The following CDK11A variants were observed in gnomAD, a reference collection of about 807,000 sequenced individuals.
The protein encoded by CDK11A is cyclin-dependent kinase 11A.
In CDK11A, 55 loss-of-function variants were observed where a neutral mutation model predicts 83.6. The observed-to-expected ratio is 0.66, with a 90% confidence interval of 0.53 to 0.82. CDK11A has a LOEUF of 0.82. Ranked by LOEUF, CDK11A falls within the 40% of genes least tolerant of loss-of-function variation. CDK11A has a pLI of 0.00. For synonymous variants in CDK11A, 247 were observed against 302.7 expected, an observed-to-expected ratio of 0.82 and a Z score of 1.91; for missense variants, 564 against 810.1, an observed-to-expected ratio of 0.70 and a Z score of 3.69.
rs374746062 is a variant in CDK11A at position 1,712,986 on chromosome 1, C to CT, written c.489-587dup. 2.6e-3 allele frequency among the ~76,000 whole-genome samples: 92 copies of CT among 35,242 alleles called. 23 individuals are homozygous for CT. The highest frequency in any genetic ancestry group is 2.9e-3 in the South Asian group (4 of 1,368). The allele number at this position is 35,242 out of a possible 152,430, so 23.1% of individuals were successfully genotyped here. On this transcript the variant is annotated intron_variant, in intron 5 of 19. Transcript: ENST00000404249. ...AGTCCTTGCTCCTTCTTGTTTCTAG[C>CT]TTTTTTTTTTTTTTTGAGACAGGGT...
chr1:1,703,906 C>A lies in CDK11A; in HGVS notation c.1829G>T (p.Gly610Val). The change falls in exon 17 of 20, where the codon GGC becomes GTC. Residue 610 changes from glycine (G) to valine (V), a missense_variant. Gly to Val is a moderately radical substitution (Grantham distance 109). This residue lies in a region of CDK11A where 361 missense variants were observed against 402.7 expected (regional missense o/e 0.90). Transcript: ENST00000404249. ...YSTAVDMWSV[G>V]CIFGELLTQK... ...AGTCAGCAGCTCCCCGAAGATGCAG[C>A]CCACTGACCACATGTCCACGGCCGT... 3 of 1,609,746 alleles carry A rather than the reference C, an allele frequency of 1.9e-6. No individual in the cohort carries two copies. Among genetic ancestry groups the A allele is most frequent in the Non-Finnish European group, 2.5e-6 (3 of 1,176,970 alleles).
intron 13 of CDK11A, 110 bp downstream of exon 13, chr1:1,704,793 AG>A (rs768895150): frequency 6.3e-7 from 1 of 1,596,006 alleles, no homozygotes; most frequent in South Asian, 1.1e-5. Flanking sequence ...TGGTCTGTGA[AG>A]GGCTCCACTA....
rs113482764 is a variant in CDK11A, at chr1:1,716,012, G to C, written c.488+334C>G. Among the ~76,000 whole-genome samples the C allele has an allele frequency of 7.5e-3, 1,138 of 150,824 alleles. 52 individuals are homozygous for C. Among genetic ancestry groups the C allele is most frequent in the African/African-American group, 0.026 (1,088 of 41,102 alleles). On this transcript the variant is annotated intron_variant, in intron 5 of 19. Coordinates refer to ENST00000404249, the MANE Select transcript of CDK11A (RefSeq NM_024011.4). ...CATGGTCATAGCTTACTGCAGCCTT[G>C]ACCTCCCAGGCTCAAGGGATCCAAC... is the stretch of plus-strand genomic sequence containing the variant.
At chr1:1,708,678 CGA>C (rs1467245487) in intron 9 of CDK11A, 114 bp downstream of exon 9, 5 of 662,912 alleles carry the variant, frequency 7.5e-6, no homozygotes, top group Admixed American at 6.0e-5. Flanking sequence ...GGAGGTGTCC[CGA>C]GAGAGTCCTA....
rs1166003410 is a variant in CDK11A at position 1,704,604 on chromosome 1, C to T, written c.1510G>A (p.Val504Met). Reference sequence around the variant, plus strand: ...ATCAGGCTCTTGAGGTCGTGCTCCACGTAGTTCATCACGATGTAGATCTTG... The same window carrying T: ...ATCAGGCTCTTGAGGTCGTGCTCCATGTAGTTCATCACGATGTAGATCTTG... ...MDKIYIVMNY[V>M]EHDLKSLMET... Residue 504 changes from valine (V) to methionine (M), a missense_variant, in exon 14 of 20, where the codon GTG (valine) becomes ATG (methionine). Coordinates refer to ENST00000404249, the MANE Select transcript of CDK11A (RefSeq NM_024011.4). 8 of 1,601,986 alleles carry T rather than the reference C, an allele frequency of 5.0e-6. 1 individual carries two copies. The highest frequency in any genetic ancestry group is 1.7e-5 in the Admixed American group (1 of 58,892).
rs775374870 is a variant in CDK11A at position 1,719,331 on chromosome 1, C to G, written c.352G>C (p.Gly118Arg). 84 of 1,517,214 alleles carry G rather than the reference C, an allele frequency of 5.5e-5. No homozygotes were observed. The highest frequency in any genetic ancestry group is 1.7e-4 in the Middle Eastern group (1 of 5,762). 94.0% of individuals were successfully genotyped at this position (1,517,214 alleles called of 1,614,324 possible). A position where few individuals can be genotyped will look rare whatever the true frequency, so the allele number is the denominator to read the frequency against. The part of the protein sequence containing the change: ...KCRHHSHSAE[G>R]GKHARVKERE... ...AAGAAAGTAAATGCTTCTGTACCCC[C>G]TTCTGCTGAATGGCTATGATGCCTA... The change falls in exon 4 of 20, where the codon GGG becomes CGG. Residue 118 changes from glycine to arginine, a missense_variant. Physicochemically the swap from Gly to Arg is moderately radical, Grantham distance 125. This residue lies in a region of CDK11A where 151 missense variants were observed against 147.4 expected (regional missense o/e 1.02). Transcript: ENST00000404249.
chr1:1,721,141 C>T lies in CDK11A; in HGVS notation c.227+455G>A, dbSNP rs185665835. Among the ~76,000 whole-genome samples, 9 of 150,414 alleles carry T rather than the reference C, an allele frequency of 6.0e-5. 1 individual carries two copies. Among genetic ancestry groups the T allele is most frequent in the African/African-American group, 2.0e-4 (8 of 40,930 alleles). On this transcript the variant is annotated intron_variant, in intron 3 of 19. Coordinates refer to ENST00000404249, the MANE Select transcript of CDK11A (RefSeq NM_024011.4). ...CAGGGAGGCGGAGCTTGCAGTGAGC[C>T]GAGATGGCGCCACTGCACTCCAGCC... is the stretch of plus-strand genomic sequence containing the variant.
At chr1:1,707,376 G>A (rs767512980) in intron 11 of CDK11A, 33 bp downstream of exon 11, 7 of 1,601,250 alleles carry the variant, frequency 4.4e-6, no homozygotes, top group Non-Finnish European at 6.0e-6. Flanking sequence ...CTGCCAATGC[G>A]GACAGCGGCC....
chr1:1,704,721 C>T, intron 13 of CDK11A, 66 bp from the exon 14 acceptor site: 1 of 1,600,712 alleles, frequency 6.2e-7, no homozygotes, highest in South Asian at 1.1e-5. Context: ...CACCCGGGCG[C>T]AGATGCTGAG....
intron 11 of CDK11A, 27 bp from the exon 12 acceptor site, chr1:1,705,759 C>T: frequency 1.9e-6 from 1 of 515,586 alleles, no homozygotes; most frequent in Non-Finnish European, 3.4e-6. Context: ...TGTGTGAGGT[C>T]TCAGTGGCCA....
At chr1:1,721,495 A>T in intron 3 of CDK11A, 101 bp downstream of exon 3, 1 of 1,349,728 alleles carries the variant, frequency 7.4e-7, no homozygotes, top group Non-Finnish European at 1.0e-6. Flanking sequence ...AGTAAACCTT[A>T]ATAGTTACAA....
At chr1:1,706,611 G>A (rs2101174547) in intron 11 of CDK11A, among the ~76,000 whole-genome samples, 1 of 151,490 alleles carries the variant, frequency 6.6e-6, no homozygotes, top group Non-Finnish European at 1.5e-5. Context: ...CTTGTACCAG[G>A]ATGACACTGA....
rs369693698 is a variant in CDK11A at position 1,710,373 on chromosome 1, C to T, written c.626-733G>A. 4.6e-3 allele frequency among the ~76,000 whole-genome samples: 222 copies of T among 47,950 alleles called. 4 individuals are homozygous for T. The highest frequency in any genetic ancestry group is 9.3e-3 in the East Asian group (17 of 1,832). The allele number at this position is 47,950 out of a possible 152,430, so 31.5% of individuals were successfully genotyped here. On this transcript the variant is annotated intron_variant, in intron 6 of 19. Transcript: ENST00000404249. The stretch of plus-strand genomic sequence containing the variant: ...TTAAAAACATCTGTATTGACGGGAA[C>T]GTTAAAAAGTGGCTGCACGTGACCA...
chr1:1,721,905 A>G (rs1644920294), intron 2 of CDK11A, 194 bp from the exon 3 acceptor site: 1 of 645,686 alleles, frequency 1.5e-6, no homozygotes, highest in Non-Finnish European at 2.4e-6. Flanking sequence ...TAATCCCAGC[A>G]CTTTGGGAGG....
At position 1,704,531 on chromosome 1, in the gene CDK11A, C is replaced by A. The variant is rs1331304302; in HGVS notation, c.1564+19G>T. The A allele has an allele frequency of 7.5e-6, 12 of 1,602,438 alleles. 1 individual carries two copies. Among genetic ancestry groups the A allele is most frequent in the Middle Eastern group, 1.7e-4 (1 of 6,036 alleles). On this transcript the variant is annotated intron_variant, in intron 14 of 19. Transcript: ENST00000404249. Reference sequence around the variant, plus strand: ...TGCCCCCACTTGTACGCAGACAGGACCCCGGGGCGCGGCTGTACCTGGCAG... The same window carrying A: ...TGCCCCCACTTGTACGCAGACAGGAACCCGGGGCGCGGCTGTACCTGGCAG...
At position 1,719,386 on chromosome 1, in the gene CDK11A, GTGA is replaced by G. The variant is rs777681332; in HGVS notation, c.294_296del (p.His99del). 29 of 1,538,200 alleles carry G rather than the reference GTGA, an allele frequency of 1.9e-5. No homozygotes were observed. The South Asian group carries it at 3.2e-4, about 17-fold the overall frequency. On this transcript the variant is annotated inframe_deletion, in exon 4 of 20. Transcript: ENST00000404249. ...TTTCTTTTCTCTTTTCATCTTTTCTGTGATGAACTTTTTCTTTCCGAGACATTT... is the reference window on the plus strand; with the variant it reads ...TTTCTTTTCTCTTTTCATCTTTTCTGTGAACTTTTTCTTTCCGAGACATTT...
At position 1,703,639 on chromosome 1, in the gene CDK11A, T is replaced by C. The variant is rs1480799248; in HGVS notation, c.1912-15A>G. On this transcript the variant is annotated splice_polypyrimidine_tract_variant and intron_variant, in intron 17 of 19. Transcript: ENST00000404249. Reference sequence around the variant, plus strand: ...GTCCCCAGCTCCTGAAAGACAGAGGTGCTTCAACAGCCACACCAAGTGGCC... The same window carrying C: ...GTCCCCAGCTCCTGAAAGACAGAGGCGCTTCAACAGCCACACCAAGTGGCC... The C allele has an allele frequency of 1.9e-6, 3 of 1,588,458 alleles. No homozygotes were observed. In the South Asian group the frequency reaches 3.4e-5, roughly 18 times the overall value.
At chr1:1,707,649 CG>C in intron 10 of CDK11A, 65 bp from the exon 11 acceptor site, 1 of 1,188,618 alleles carries the variant, frequency 8.4e-7, no homozygotes, top group Non-Finnish European at 1.2e-6. Flanking sequence ...CCTCCTGCCC[CG>C]GGGGCATCAA....
chr1:1,719,430 T>C lies in CDK11A; in HGVS notation c.253A>G (p.Ile85Val), dbSNP rs201674700. The stretch of plus-strand genomic sequence containing the variant: ...CGAGACATTTGCTGGGGTGGTTTGA[T>C]GGCCAAAGAATCATCTTCTTCTCCT... ...DRGEEDDSLAIKPPQQMSRKE... is the reference protein window; with the variant it reads ...DRGEEDDSLAVKPPQQMSRKE... The change falls in exon 4 of 20, where the codon ATC becomes GTC. Residue 85 changes from isoleucine to valine, a missense_variant. By Grantham distance (29) the Ile-to-Val change is conservative. Around this residue, in one of 5 missense-constraint regions of CDK11A, gnomAD observed 151 missense variants for 147.4 expected, o/e 1.02. Coordinates refer to ENST00000404249, the MANE Select transcript of CDK11A (RefSeq NM_024011.4). 3 of 1,524,354 alleles carry C rather than the reference T, an allele frequency of 2.0e-6. No individual in the cohort carries two copies. Among genetic ancestry groups the C allele is most frequent in the East Asian group, 4.9e-5 (2 of 41,028 alleles). 94.4% of individuals were successfully genotyped at this position (1,524,354 alleles called of 1,614,324 possible).
Sources: gnomAD v4.1 joint callset for allele counts (sites outside exome capture counted in the v4.1 genomes callset) on GRCh38, gnomAD v4.1.1 for gene constraint, gnomAD v4.1.1 regional missense constraint, MANE v1.5 for transcripts, NCBI Gene and HGNC (gene_info 2026-07-23, HGNC 2026-07-21) for gene names.